Variants in OPA3 observed in about 807,000 individuals in gnomAD.
The protein encoded by OPA3 is outer mitochondrial membrane lipid metabolism regulator OPA3.
In OPA3, 6 loss-of-function variants were observed where a neutral mutation model predicts 4.0. The ratio of observed to expected loss-of-function variants is 1.51; its 90% CI spans 0.83 to 2.99. The LOEUF (loss-of-function observed/expected upper bound fraction) is 2.99. Among genes scored for constraint, OPA3 ranks in the 30% most tolerant of loss-of-function variants. The pLI, the probability that OPA3 is intolerant of heterozygous loss-of-function variation, is 0.00. For missense variants in OPA3, 235 were observed against 256.2 expected, an observed-to-expected ratio of 0.92 and a Z score of 0.56; for synonymous variants, 105 against 117.1, an observed-to-expected ratio of 0.90 and a Z score of 0.67.
In OPA3 at chr19:45,553,331, C is replaced by G; in HGVS notation, c.*183G>C. 6.8e-7 allele frequency: 1 copy of G among 1,477,236 alleles called. No homozygotes were observed. The highest frequency in any genetic ancestry group is 9.0e-7 in the Non-Finnish European group (1 of 1,116,820). The allele number at this position is 1,477,236 out of a possible 1,614,324, so 91.5% of individuals were successfully genotyped here. A position where few individuals can be genotyped will look rare whatever the true frequency, so the allele number is the denominator to read the frequency against. ...GATGATGGAGGGGGCTATGTTGCAACGCTTCACCTGCTGGTCCCAGTGGCA... is the reference window on the plus strand; with the variant it reads ...GATGATGGAGGGGGCTATGTTGCAAGGCTTCACCTGCTGGTCCCAGTGGCA... On this transcript the variant is annotated 3_prime_UTR_variant, in exon 2 of 2. Transcript: ENST00000263275.
intron 1 of OPA3, among the ~76,000 whole-genome samples, chr19:45,560,876 T>A (rs1433573283): frequency 6.6e-6 from 1 of 152,180 alleles, no homozygotes; most frequent in African/African-American, 2.4e-5. Context: ...CTTAACCCAC[T>A]GAGGCAAGTA....
rs1969327550 is a variant in OPA3, at chr19:45,551,157, T to A, written c.*2357A>T. 6.4e-6 allele frequency: 1 copy of A among 156,816 alleles called. No individual in the cohort carries two copies. The highest frequency in any genetic ancestry group is 1.4e-5 in the Non-Finnish European group (1 of 72,374). 9.7% of individuals were successfully genotyped at this position (156,816 alleles called of 1,614,324 possible). A position where few individuals can be genotyped will look rare whatever the true frequency, so the allele number is the denominator to read the frequency against. ...TTATTTTACTTTTGTAGAGATGGGG[T>A]CTCACTATGTTGCCCAGGCTGGTCT... On this transcript the variant is annotated 3_prime_UTR_variant, in exon 2 of 2. Coordinates refer to ENST00000263275, the MANE Select transcript of OPA3 (RefSeq NM_025136.4).
At chr19:45,553,961 C>G (rs781205563) in intron 1 of OPA3, 50 bp from the exon 2 acceptor site, 1 of 1,484,550 alleles carries the variant, frequency 6.7e-7, no homozygotes, top group Non-Finnish European at 9.2e-7. Context: ...CCCCTGCAAG[C>G]CCCACCCCTC....
At chr19:45,578,454 G>A (rs1969800052) in intron 1 of OPA3, among the ~76,000 whole-genome samples, 1 of 126,460 alleles carries the variant, frequency 7.9e-6, no homozygotes, top group Non-Finnish European at 1.5e-5. Flanking sequence ...AGACATCTCT[G>A]AATTCCTATG....
At chr19:45,582,469 T>G (rs530170368) in intron 1 of OPA3, among the ~76,000 whole-genome samples, 1 of 151,912 alleles carries the variant, frequency 6.6e-6, no homozygotes, top group South Asian at 2.1e-4. Context: ...TGGAGCAGAG[T>G]TTTTTTGTTT....
Position 45,553,615 on chromosome 19 carries a change from C to T in OPA3, c.439G>A (p.Gly147Ser). ...TCTGTGCGCAGTTCCTCCAGGGCGCCCTGTGGCGGCGCCGCCTGCACCTGC... is the reference window on the plus strand; with the variant it reads ...TCTGTGCGCAGTTCCTCCAGGGCGCTCTGTGGCGGCGCCGCCTGCACCTGC... The part of the protein sequence containing the change: ...QAQVQAAPPQ[G>S]ALEELRTELQ... Residue 147 changes from glycine (G) to serine (S), a missense_variant, in exon 2 of 2, where the codon GGC (glycine) becomes AGC (serine). Transcript: ENST00000263275. 6.2e-7 allele frequency: 1 copy of T among 1,608,628 alleles called. No individual in the cohort carries two copies. The highest frequency in any genetic ancestry group is 2.2e-5 in the East Asian group (1 of 44,806).
intron 1 of OPA3, 147 bp downstream of exon 1, chr19:45,584,476 C>G (rs998064214): frequency 6.5e-7 from 1 of 1,543,944 alleles, no homozygotes; most frequent in Non-Finnish European, 8.7e-7. Flanking sequence ...CCCGTACGCC[C>G]CTCTATCAGA....
At position 45,555,494 on chromosome 19, in the gene OPA3, A is replaced by ATT. The variant is rs34052901; in HGVS notation, c.143-1585_143-1584dup. Among the ~76,000 whole-genome samples, 291 of 142,924 alleles carry ATT rather than the reference A, an allele frequency of 2.0e-3. 2 individuals carry two copies. Among genetic ancestry groups the ATT allele is most frequent in the African/African-American group, 7.1e-3 (273 of 38,484 alleles). 93.8% of individuals were successfully genotyped at this position (142,924 alleles called of 152,430 possible). On this transcript the variant is annotated intron_variant, in intron 1 of 1. Transcript: ENST00000263275. ...GGGACTACAGGTATGCCTGGCTAAT[A>ATT]TTTTTTTTTTTTTTGAGATGGAGTC... is the stretch of plus-strand genomic sequence containing the variant.
At chr19:45,583,109 G>A (rs1381501913) in intron 1 of OPA3, among the ~76,000 whole-genome samples, 1 of 151,936 alleles carries the variant, frequency 6.6e-6, no homozygotes, top group Admixed American at 6.6e-5. Flanking sequence ...AGCCAATGAT[G>A]CTAAATTCCC....
rs57585727 is a variant in OPA3 at position 45,547,991 on chromosome 19, C to T, written c.*5523G>A. The T allele has an allele frequency of 0.081, 40,563 of 502,628 alleles. 3,146 individuals are homozygous for T. The highest frequency in any genetic ancestry group is 0.28 in the African/African-American group (13,444 of 47,760). The allele number at this position is 502,628 out of a possible 1,614,324, so 31.1% of individuals were successfully genotyped here. On this transcript the variant is annotated 3_prime_UTR_variant, in exon 2 of 2. Transcript: ENST00000263275. ...AGATTACAGGTGTGAGCCACCACGC[C>T]TGGCCACTCTTTCCTTCTTTATTGC...
At chr19:45,529,165 G>T in exon 2 of OPA3, 1 of 1,609,680 alleles carries the variant, frequency 6.2e-7, no homozygotes, top group Non-Finnish European at 8.5e-7. Context: ...GGCGAGCTGC[G>T]TCGACGTCGC....
At chr19:45,584,595 G>C in intron 1 of OPA3, 28 bp downstream of exon 1, 2 of 1,614,172 alleles carry the variant, frequency 1.2e-6, no homozygotes, top group Non-Finnish European at 1.7e-6. Context: ...AAAGGAAAAA[G>C]GTTGGAGGGA....
chr19:45,543,040 C>T (rs542228069), downstream of OPA3, among the ~76,000 whole-genome samples: 8 of 151,834 alleles, frequency 5.3e-5, no homozygotes, highest in African/African-American at 1.9e-4. Context: ...GACAGGGTCT[C>T]ACTCTGTCGC....
rs1969338221 is a variant in OPA3 at position 45,551,861 on chromosome 19, G to A, written c.*1653C>T. 2.0e-6 allele frequency: 2 copies of A among 985,580 alleles called. No homozygotes were observed. The highest frequency in any genetic ancestry group is 2.4e-6 in the Non-Finnish European group (2 of 830,024). 61.1% of individuals were successfully genotyped at this position (985,580 alleles called of 1,614,324 possible). ...TTAGGAGACACGGATGGAAGATGAA[G>A]GATGTGACAATTGAATCCATGGGCT... is the stretch of plus-strand genomic sequence containing the variant. On this transcript the variant is annotated 3_prime_UTR_variant, in exon 2 of 2. Coordinates refer to ENST00000263275, the MANE Select transcript of OPA3 (RefSeq NM_025136.4).
chr19:45,565,094 C>T (rs557381042), intron 1 of OPA3, among the ~76,000 whole-genome samples: 10 of 151,908 alleles, frequency 6.6e-5, no homozygotes, highest in Admixed American at 3.3e-4. Flanking sequence ...ATTAGCTGGG[C>T]GTGGTGGCAC....
intron 1 of OPA3, among the ~76,000 whole-genome samples, chr19:45,571,666 C>A (rs1969669057): frequency 6.6e-6 from 1 of 152,146 alleles, no homozygotes. Flanking sequence ...TGAGAATGTA[C>A]TCTAGAGACT....
chr19:45,571,400 G>A (rs1969664959), intron 1 of OPA3, among the ~76,000 whole-genome samples: 1 of 152,162 alleles, frequency 6.6e-6, no homozygotes, highest in Non-Finnish European at 1.5e-5. Flanking sequence ...ACCCGCCTTG[G>A]ACTCGCAAAG....
chr19:45,536,795 A>T (rs566849102), intron 1 of OPA3, among the ~76,000 whole-genome samples: 1 of 152,330 alleles, frequency 6.6e-6, no homozygotes, highest in African/African-American at 2.4e-5. Context: ...AAAAGAATGG[A>T]CTTTTTAAGA....
chr19:45,580,197 A>G (rs1051725784), intron 1 of OPA3, among the ~76,000 whole-genome samples: 1 of 148,486 alleles, frequency 6.7e-6, no homozygotes, highest in Non-Finnish European at 1.5e-5. Context: ...GGGTTTCACC[A>G]TGTTGGTCAG....
Sources: allele counts gnomAD v4.1 joint callset (sites outside exome capture counted in the v4.1 genomes callset), GRCh38; gene constraint gnomAD v4.1.1; transcripts MANE v1.5; gene names NCBI Gene and HGNC (gene_info 2026-07-23, HGNC 2026-07-21).